RGS7BP: variants seen among roughly 807,000 people sequenced by gnomAD.
RGS7BP encodes regulator of G protein signaling 7 binding protein.
A neutral mutation model predicts 31.3 loss-of-function variants in RGS7BP; 9 were observed. That is an observed-to-expected ratio of 0.29 (90% CI 0.17 to 0.50). RGS7BP has a LOEUF of 0.50. RGS7BP is among the 20% of genes least tolerant of loss of function. RGS7BP has a pLI of 0.98. For missense variants in RGS7BP, 274 were observed against 322.0 expected (o/e 0.85, Z 1.14); for synonymous variants, 115 against 120.1 (o/e 0.96, Z 0.28).
At chr5:64,567,916 T>C (rs1580438674) in intron 2 of RGS7BP, among the ~76,000 whole-genome samples, 1 of 152,268 alleles carries the variant, frequency 6.6e-6, no homozygotes, top group Non-Finnish European at 1.5e-5. Context: ...GAATGATAAT[T>C]GACCTTTGAA....
Position 64,612,176 on chromosome 5 carries a change from C to G in RGS7BP, c.*2924C>G, listed in dbSNP as rs534029312. 2 of 152,086 alleles carry G rather than the reference C, an allele frequency of 1.3e-5. No individual in the cohort carries two copies. The highest frequency in any genetic ancestry group is 4.2e-4 in the South Asian group (2 of 4,816). 9.4% of individuals were successfully genotyped at this position (152,086 alleles called of 1,614,324 possible). The stretch of plus-strand genomic sequence containing the variant: ...GAAAATAAAAATCACCTGAATTCCA[C>G]CACGACCACATTGTTTAAAACCACA... On this transcript the variant is annotated 3_prime_UTR_variant, in exon 6 of 6. Transcript: ENST00000334025.
At position 64,598,928 on chromosome 5, in the gene RGS7BP, A is replaced by G. The variant is rs557426199; in HGVS notation, c.682+493A>G. On this transcript the variant is annotated intron_variant, in intron 5 of 5. Transcript: ENST00000334025. ...CAATTTACTAGAAACTGGCGCACAG[A>G]AAGGTTAGCTAAATTGGCCAAGGTC... is the stretch of plus-strand genomic sequence containing the variant. Among the ~76,000 whole-genome samples the G allele has an allele frequency of 1.1e-3, 163 of 152,330 alleles. 1 individual carries two copies. The highest frequency in any genetic ancestry group is 1.9e-3 in the Non-Finnish European group (130 of 68,028).
chr5:64,592,527 A>G (rs1742946582), intron 3 of RGS7BP, among the ~76,000 whole-genome samples: 1 of 152,166 alleles, frequency 6.6e-6, no homozygotes, highest in Admixed American at 6.6e-5. Context: ...GATCCCATTT[A>G]TGGCTTTGCA....
At chr5:64,592,268 G>A (rs1742939697) in intron 3 of RGS7BP, among the ~76,000 whole-genome samples, 1 of 152,096 alleles carries the variant, frequency 6.6e-6, no homozygotes, top group Non-Finnish European at 1.5e-5. Context: ...CTGACAGAAA[G>A]CCCTAAACTG....
chr5:64,554,977 T>C (rs143440160), intron 2 of RGS7BP, among the ~76,000 whole-genome samples: 17 of 152,026 alleles, frequency 1.1e-4, no homozygotes, highest in Admixed American at 3.9e-4. Flanking sequence ...AAGATGGATC[T>C]GAAGAAAATG....
intron 3 of RGS7BP, among the ~76,000 whole-genome samples, chr5:64,583,381 T>A (rs1488803670): frequency 1.3e-5 from 2 of 152,006 alleles, no homozygotes; most frequent in Non-Finnish European, 2.9e-5. Context: ...AGAGCAAGAC[T>A]CCATCTCCCC....
rs1457754166 is a variant in RGS7BP at position 64,506,984 on chromosome 5, T to C, written c.165+195T>C. Among the ~76,000 whole-genome samples the C allele has an allele frequency of 6.6e-6, 1 of 152,068 alleles. No individual in the cohort carries two copies. The highest frequency in any genetic ancestry group is 2.4e-5 in the African/African-American group (1 of 41,422). ...GGTGACACCCTGGTCGTAATAACCC[T>C]GCAGAAAGAAGTGTGACAGCAAGGG... On this transcript the variant is annotated intron_variant, in intron 1 of 5. Coordinates refer to ENST00000334025, the MANE Select transcript of RGS7BP (RefSeq NM_001029875.3). The surrounding 1 kb of genome is among the most constrained non-coding windows in gnomAD (Gnocchi z 4.6).
chr5:64,548,023 T>C (rs560875979), intron 2 of RGS7BP, among the ~76,000 whole-genome samples: 2 of 152,228 alleles, frequency 1.3e-5, no homozygotes, highest in African/African-American at 4.8e-5. Context: ...TGATGCAATA[T>C]CTAAAACCTG....
At chr5:64,527,604 A>G (rs1488906710) in intron 2 of RGS7BP, among the ~76,000 whole-genome samples, 1 of 83,982 alleles carries the variant, frequency 1.2e-5, no homozygotes, top group Non-Finnish European at 2.2e-5. Context: ...TGCTTATAAC[A>G]GTAAAAAAAA....
At chr5:64,581,420 G>C (rs1359100777) in intron 3 of RGS7BP, among the ~76,000 whole-genome samples, 2 of 152,094 alleles carry the variant, frequency 1.3e-5, no homozygotes, top group African/African-American at 4.8e-5. Flanking sequence ...AAGCCAAACT[G>C]TTTCATTTAT....
chr5:64,535,714 C>T lies in RGS7BP; in HGVS notation c.332+27837C>T, dbSNP rs530598185. On this transcript the variant is annotated intron_variant, in intron 2 of 5. Transcript: ENST00000334025. ...CTTTTAGCTGAACTAGATTTTCACTCTCCTTCCATAGCAGACAGGAAGACA... is the reference window on the plus strand; with the variant it reads ...CTTTTAGCTGAACTAGATTTTCACTTTCCTTCCATAGCAGACAGGAAGACA... 5.3e-5 allele frequency among the ~76,000 whole-genome samples: 8 copies of T among 152,316 alleles called. No individual in the cohort carries two copies. In the South Asian group the frequency reaches 1.7e-3, roughly 32 times the overall value.
At position 64,506,808 on chromosome 5, in the gene RGS7BP, T is replaced by TC; in HGVS notation, c.165+20dup. ...CAAGATGGTGGGTGAAAACTGCGCC[T>TC]CTTTTTTTTTTTTTTTAATTGAGAG... On this transcript the variant is annotated intron_variant, in intron 1 of 5. Transcript: ENST00000334025. The surrounding 1 kb of genome is among the most constrained non-coding windows in gnomAD (Gnocchi z 4.6). 2 of 1,444,870 alleles carry TC rather than the reference T, an allele frequency of 1.4e-6. No individual in the cohort carries two copies. The highest frequency in any genetic ancestry group is 1.9e-6 in the Non-Finnish European group (2 of 1,078,946). The allele number at this position is 1,444,870 out of a possible 1,614,324, so 89.5% of individuals were successfully genotyped here.
intron 3 of RGS7BP, among the ~76,000 whole-genome samples, chr5:64,586,965 C>T (rs1414290293): frequency 1.3e-5 from 2 of 152,112 alleles, no homozygotes; most frequent in Non-Finnish European, 2.9e-5. Context: ...TGAGACAATA[C>T]CAAATCTCAG....
intron 2 of RGS7BP, among the ~76,000 whole-genome samples, chr5:64,566,699 C>T (rs1742178008): frequency 6.6e-6 from 1 of 151,692 alleles, no homozygotes; most frequent in African/African-American, 2.4e-5. Context: ...GGGGAAATTC[C>T]CTACTCAAGA....
At chr5:64,517,194 G>A (rs940016351) in intron 2 of RGS7BP, among the ~76,000 whole-genome samples, 1 of 152,054 alleles carries the variant, frequency 6.6e-6, no homozygotes, top group Non-Finnish European at 1.5e-5. Flanking sequence ...ATAGAAGGAG[G>A]AAGAAAAGAG....
chr5:64,541,092 G>A (rs928867612), intron 2 of RGS7BP, among the ~76,000 whole-genome samples: 2 of 152,182 alleles, frequency 1.3e-5, no homozygotes, highest in African/African-American at 2.4e-5. Flanking sequence ...GGTTCTGCAA[G>A]CCATATACGA....
intron 2 of RGS7BP, among the ~76,000 whole-genome samples, chr5:64,511,095 T>C (rs912803254): frequency 2.6e-5 from 4 of 151,918 alleles, no homozygotes; most frequent in Admixed American, 6.6e-5. Flanking sequence ...AAACAAGGAG[T>C]TAGCATTAAA....
chr5:64,541,805 A>G (rs898194342), intron 2 of RGS7BP, among the ~76,000 whole-genome samples: 5 of 152,076 alleles, frequency 3.3e-5, no homozygotes, highest in Non-Finnish European at 7.4e-5. Context: ...TGTCAAATAC[A>G]TTGCAAATAC....
At chr5:64,603,650 G>A (rs1743277890) in intron 5 of RGS7BP, among the ~76,000 whole-genome samples, 1 of 152,168 alleles carries the variant, frequency 6.6e-6, no homozygotes, top group Non-Finnish European at 1.5e-5. Context: ...AATTGGAAGT[G>A]TCCACAGGAT....
Sources: allele counts gnomAD v4.1 joint callset (sites outside exome capture counted in the v4.1 genomes callset), GRCh38; gene constraint gnomAD v4.1.1; non-coding constraint Gnocchi (gnomAD v3.1); transcripts MANE v1.5; gene names NCBI Gene and HGNC (gene_info 2026-07-23, HGNC 2026-07-21).